The following SKAP1 variants were observed in gnomAD, a reference collection of about 807,000 sequenced individuals.
The protein encoded by SKAP1 is src kinase-associated phosphoprotein 1.
SKAP1 carries 44 observed loss-of-function variants against 58.5 expected under a neutral mutation model. That is an observed-to-expected ratio of 0.75 (90% CI 0.59 to 0.97). The LOEUF (loss-of-function observed/expected upper bound fraction) is 0.97. Among genes scored for constraint, SKAP1 ranks in the 50% least tolerant of loss-of-function variants. SKAP1 has a pLI of 0.00. For missense variants in SKAP1, 390 were observed against 435.2 expected (o/e 0.90, Z 0.92); for synonymous variants, 127 against 149.7 (o/e 0.85, Z 1.11).
At chr17:48,402,985 G>A (rs2067520123) in intron 1 of SKAP1, among the ~76,000 whole-genome samples, 1 of 152,136 alleles carries the variant, frequency 6.6e-6, no homozygotes, top group East Asian at 1.9e-4. Flanking sequence ...TTACTGTGGT[G>A]ATAGTTACAC....
At position 48,180,232 on chromosome 17, in the gene SKAP1, G is replaced by A; in HGVS notation, c.648C>T (p.Thr216=). ...SFLLKDLSSL[T]IPYEEDEEEE... ...CCTCCTCATCCTCTTCATATGGAATGGTTAAGGAGCTCAGATCTAACAAGG... is the reference window on the plus strand; with the variant it reads ...CCTCCTCATCCTCTTCATATGGAATAGTTAAGGAGCTCAGATCTAACAAGG... Residue 216 remains threonine (T), a synonymous_variant, in exon 9 of 13, where the codon ACC becomes ACT. Transcript: ENST00000336915. 6.3e-7 allele frequency: 1 copy of A among 1,587,464 alleles called. No homozygotes were observed. The highest frequency in any genetic ancestry group is 8.6e-7 in the Non-Finnish European group (1 of 1,166,166).
intron 4 of SKAP1, among the ~76,000 whole-genome samples, chr17:48,225,990 G>A (rs528305253): frequency 2.0e-5 from 3 of 152,284 alleles, no homozygotes; most frequent in South Asian, 4.1e-4. Flanking sequence ...TTAACAAGGC[G>A]GTTAGTACAA....
intron 11 of SKAP1, among the ~76,000 whole-genome samples, chr17:48,143,963 T>G (rs2063798507): frequency 6.6e-6 from 1 of 152,086 alleles, no homozygotes; most frequent in African/African-American, 2.4e-5. Flanking sequence ...AGCAGATGAG[T>G]CTCAGCAGGG....
intron 4 of SKAP1, among the ~76,000 whole-genome samples, chr17:48,213,198 C>G (rs532776966): frequency 6.6e-6 from 1 of 151,880 alleles, no homozygotes. Flanking sequence ...AAAAATTAGC[C>G]GGGTGTGGTG....
intron 4 of SKAP1, among the ~76,000 whole-genome samples, chr17:48,333,219 T>C (rs1283298012): frequency 1.3e-5 from 2 of 152,138 alleles, no homozygotes; most frequent in African/African-American, 4.8e-5. Context: ...AAATCACCAC[T>C]TGTGCAATTT....
At chr17:48,357,395 C>G (rs929639920) in intron 3 of SKAP1, among the ~76,000 whole-genome samples, 7 of 152,098 alleles carry the variant, frequency 4.6e-5, no homozygotes, top group African/African-American at 1.7e-4. Flanking sequence ...CTTTGGGAGG[C>G]TGAGGCGGAT....
chr17:48,184,887 C>T lies in SKAP1; in HGVS notation c.443-40G>A, dbSNP rs781659993. ...AGCTCCCTGTATCCCTAGAGAGATG[C>T]AACTGCCAAGGGAAGGCATCCTCTC... On this transcript the variant is annotated intron_variant, in intron 6 of 12. Transcript: ENST00000336915. The T allele has an allele frequency of 1.1e-5, 17 of 1,590,346 alleles. No individual in the cohort carries two copies. The Admixed American group carries it at 1.1e-4, about 10-fold the overall frequency.
chr17:48,172,529 CA>C (rs1188089898), intron 9 of SKAP1, among the ~76,000 whole-genome samples: 1 of 152,170 alleles, frequency 6.6e-6, no homozygotes, highest in Non-Finnish European at 1.5e-5. Flanking sequence ...TCACTACCAC[CA>C]TGCTCTTTTC....
intron 1 of SKAP1, among the ~76,000 whole-genome samples, chr17:48,403,070 C>T (rs759778190): frequency 1.7e-4 from 26 of 151,894 alleles, no homozygotes; most frequent in Non-Finnish European, 3.7e-4. Context: ...TGAATTATAT[C>T]TCAATGAAGC....
At chr17:48,422,636 T>TGG (rs1267306673) in intron 1 of SKAP1, among the ~76,000 whole-genome samples, 4 of 151,932 alleles carry the variant, frequency 2.6e-5, no homozygotes, top group African/African-American at 9.7e-5. Flanking sequence ...ACAGAGAAAA[T>TGG]ATACAGGACC....
chr17:48,257,348 T>A (rs1309531767), intron 4 of SKAP1, among the ~76,000 whole-genome samples: 1 of 152,218 alleles, frequency 6.6e-6, no homozygotes, highest in South Asian at 2.1e-4. Context: ...CAAGTATGTA[T>A]CCAAACAGTA....
intron 1 of SKAP1, among the ~76,000 whole-genome samples, chr17:48,398,797 G>A (rs1473700352): frequency 3.3e-5 from 5 of 152,130 alleles, no homozygotes; most frequent in South Asian, 2.1e-4. Context: ...CAAGGCGGGC[G>A]GATCATGAGG....
chr17:48,376,496 T>G (rs1233476815), intron 2 of SKAP1, among the ~76,000 whole-genome samples: 1 of 152,226 alleles, frequency 6.6e-6, no homozygotes, highest in African/African-American at 2.4e-5. Flanking sequence ...AACTCGGCTA[T>G]CATGCCTTTG....
At chr17:48,411,606 G>C (rs1451923340) in intron 1 of SKAP1, among the ~76,000 whole-genome samples, 1 of 152,058 alleles carries the variant, frequency 6.6e-6, no homozygotes, top group Non-Finnish European at 1.5e-5. Context: ...TTACAATAGA[G>C]AAACCTGACA....
In SKAP1 at chr17:48,162,476, A is replaced by G; in HGVS notation, c.971T>C (p.Leu324Pro). The change falls in exon 11 of 13, where the codon CTG (leucine) becomes CCG (proline). Residue 324 changes from leucine (L) to proline (P), a missense_variant. By Grantham distance (98) the Leu-to-Pro change is moderately conservative. Coordinates refer to ENST00000336915, the MANE Select transcript of SKAP1 (RefSeq NM_003726.4). ...SFQRGDLIRI[L>P]SKEYNMYGWW... ...CACACTTTCTGTCCTTACCTTGCTCAGAATACGGATGAGGTCACCCCGTTG... is the reference window on the plus strand; with the variant it reads ...CACACTTTCTGTCCTTACCTTGCTCGGAATACGGATGAGGTCACCCCGTTG... The G allele has an allele frequency of 6.2e-7, 1 of 1,612,782 alleles. No homozygotes were observed.
At chr17:48,204,995 TTC>T (rs1491434245) in intron 4 of SKAP1, among the ~76,000 whole-genome samples, 3 of 50,400 alleles carry the variant, frequency 6.0e-5, no homozygotes, top group Admixed American at 2.3e-4. Flanking sequence ...CTTTCTTTCT[TTC>T]TTTCTTTCTT....
intron 4 of SKAP1, among the ~76,000 whole-genome samples, chr17:48,335,295 AAAC>A (rs1293441174): frequency 6.6e-6 from 1 of 151,960 alleles, no homozygotes; most frequent in Non-Finnish European, 1.5e-5. Flanking sequence ...AAACAAAACA[AAAC>A]AAAACAAACT....
In SKAP1 at chr17:48,184,659, C is replaced by G. The variant is rs543184963; in HGVS notation, c.567+64G>C. ...GGAACCCAGCATAGCAACCATGGCTCACATGCAATACAGAAGGAAACTGCA... is the reference window on the plus strand; with the variant it reads ...GGAACCCAGCATAGCAACCATGGCTGACATGCAATACAGAAGGAAACTGCA... On this transcript the variant is annotated intron_variant, in intron 7 of 12. Transcript: ENST00000336915. 6.4e-5 allele frequency: 102 copies of G among 1,599,214 alleles called. No homozygotes were observed. The South Asian group carries it at 9.6e-4, about 15-fold the overall frequency.
Position 48,396,720 on chromosome 17 carries a change from T to C in SKAP1, c.112A>G (p.Arg38Gly). ...ENLSAVARDH[R>G]DHILRGFQQI... is the part of the protein sequence containing the mutation. ...TGAAAGCCCCGTAGAATATGGTCTCTGTGATCCCTTGCAACAGCGCTGAGG... is the reference window on the plus strand; with the variant it reads ...TGAAAGCCCCGTAGAATATGGTCTCCGTGATCCCTTGCAACAGCGCTGAGG... Residue 38 changes from arginine (R) to glycine (G), a missense_variant, in exon 2 of 13, where the codon AGA becomes GGA. Arg to Gly is a moderately radical substitution (Grantham distance 125). Coordinates refer to ENST00000336915, the MANE Select transcript of SKAP1 (RefSeq NM_003726.4). 2 of 1,613,662 alleles carry C rather than the reference T, an allele frequency of 1.2e-6. No individual in the cohort carries two copies. The highest frequency in any genetic ancestry group is 2.2e-5 in the East Asian group (1 of 44,836).
Sources: allele counts gnomAD v4.1 joint callset (sites outside exome capture counted in the v4.1 genomes callset), GRCh38; gene constraint gnomAD v4.1.1; transcripts MANE v1.5; gene names NCBI Gene and HGNC (gene_info 2026-07-23, HGNC 2026-07-21).